ATP2B2: variants seen among roughly 807,000 people sequenced by gnomAD.
ATP2B2 encodes plasma membrane calcium-transporting ATPase 2.
A neutral mutation model predicts 120.0 loss-of-function variants in ATP2B2; 15 were observed. The ratio of observed to expected loss-of-function variants is 0.12; its 90% confidence interval spans 0.08 to 0.19. ATP2B2 has a LOEUF of 0.19. ATP2B2 is among the 10% of genes least tolerant of loss of function. The probability of loss-of-function intolerance (pLI) is 1.00; values close to 1 mark genes in which losing one functional copy is unlikely to be tolerated. For synonymous variants in ATP2B2, 694 were observed against 700.3 expected (o/e 0.99, Z 0.14); for missense variants, 1,045 against 1,719.8 (o/e 0.61, Z 6.94).
chr3:10,507,851 G>T (rs1489354047), upstream of ATP2B2, among the ~76,000 whole-genome samples: 1 of 150,120 alleles, frequency 6.7e-6, no homozygotes, highest in Non-Finnish European at 1.5e-5. Context: ...GGTGGCCAGG[G>T]CAAGGTGGCA....
At chr3:10,685,894 A>G (rs2071507099) in intron 1 of ATP2B2, among the ~76,000 whole-genome samples, 1 of 152,178 alleles carries the variant, frequency 6.6e-6, no homozygotes, top group Admixed American at 6.5e-5. Flanking sequence ...TTTTTACGTG[A>G]CATCTGTGAC....
At chr3:10,667,022 T>A (rs2070958307) in intron 1 of ATP2B2, among the ~76,000 whole-genome samples, 1 of 152,206 alleles carries the variant, frequency 6.6e-6, no homozygotes, top group Non-Finnish European at 1.5e-5. Context: ...AGAGTTCCCA[T>A]CCTCACTGGG....
At chr3:10,522,632 C>T (rs989886664) in intron 3 of ATP2B2, among the ~76,000 whole-genome samples, 11 of 152,182 alleles carry the variant, frequency 7.2e-5, no homozygotes, top group Non-Finnish European at 1.0e-4. Context: ...TGCTGAATCC[C>T]GAACAGGAGT....
rs780659874 is a variant in ATP2B2 at position 10,328,911 on chromosome 3, G to A, written c.3635C>T (p.Ala1212Val). The A allele has an allele frequency of 2.5e-6, 4 of 1,613,800 alleles. No individual in the cohort carries two copies. Among genetic ancestry groups the A allele is most frequent in the Non-Finnish European group, 2.5e-6 (3 of 1,180,014 alleles). ...PPSSLNKNNS[A>V]IDSGINLTTD... The stretch of plus-strand genomic sequence containing the variant: ...CGTCAGGTTGATCCCACTGTCGATG[G>A]CGCTGTTGTTCTTGTTGAGGGATGA... Residue 1212 changes from alanine (A) to valine (V), a missense_variant, in exon 23 of 23, where the codon GCC (alanine) becomes GTC (valine). Physicochemically the swap from Ala to Val is moderately conservative, Grantham distance 64 (BLOSUM62 0). Around this residue, in one of 11 missense-constraint regions of ATP2B2, gnomAD observed 211 missense variants for 385.1 expected, o/e 0.55. Transcript: ENST00000360273.
chr3:10,581,025 T>C (rs577928745), intron 2 of ATP2B2, among the ~76,000 whole-genome samples: 1 of 152,360 alleles, frequency 6.6e-6, no homozygotes, highest in South Asian at 2.1e-4. Context: ...ATGTATTATT[T>C]TGTCACATTT....
intron 3 of ATP2B2, among the ~76,000 whole-genome samples, chr3:10,405,134 T>C (rs530260793): frequency 1.4e-4 from 22 of 152,326 alleles, no homozygotes; most frequent in African/African-American, 5.3e-4. Flanking sequence ...TGAAGTGGGA[T>C]AACCCAACGG....
In ATP2B2 at chr3:10,606,912, C is replaced by CACACACACACACAG. The variant is rs1405755716; in HGVS notation, c.-415+13004_-415+13005insCTGTGTGTGTGTGT. On this transcript the variant is annotated intron_variant, in intron 2 of 21. Transcript: ENST00000646379. ...ACACACACACACACACACACACACA[C>CACACACACACACAG]AGAGAGAGAGAGAGAGAGAGAGAGA... Among the ~76,000 whole-genome samples the CACACACACACACAG allele has an allele frequency of 4.6e-4, 29 of 62,586 alleles. 1 individual carries two copies. The highest frequency in any genetic ancestry group is 3.9e-3 in the East Asian group (9 of 2,318). The allele number at this position is 62,586 out of a possible 152,430, so 41.1% of individuals were successfully genotyped here. A position where few individuals can be genotyped will look rare whatever the true frequency, so the allele number is the denominator to read the frequency against.
chr3:10,656,426 G>C (rs1269960551), intron 1 of ATP2B2, among the ~76,000 whole-genome samples: 1 of 152,154 alleles, frequency 6.6e-6, no homozygotes, highest in Non-Finnish European at 1.5e-5. Context: ...CTCAGGAACT[G>C]GCTGAGAATA....
At chr3:10,445,423 G>C (rs1402582410) in intron 2 of ATP2B2, among the ~76,000 whole-genome samples, 1 of 152,234 alleles carries the variant, frequency 6.6e-6, no homozygotes, top group Non-Finnish European at 1.5e-5. Context: ...AGATAAAGGC[G>C]TTAATTAGAA....
At chr3:10,419,479 T>C (rs3774146) in intron 2 of ATP2B2, among the ~76,000 whole-genome samples, 26,533 of 152,204 alleles carry the variant, frequency 0.17, 5,133 homozygotes, top group African/African-American at 0.48. Context: ...TCTGTCTGTG[T>C]TGCCGCTGTC....
chr3:10,599,541 C>G (rs1300573622), intron 2 of ATP2B2, among the ~76,000 whole-genome samples: 1 of 152,044 alleles, frequency 6.6e-6, no homozygotes, highest in East Asian at 1.9e-4. Flanking sequence ...ATTTCTGTAC[C>G]CTCAGCACTG....
chr3:10,416,956 G>C (rs2062805695), intron 2 of ATP2B2, among the ~76,000 whole-genome samples: 1 of 145,770 alleles, frequency 6.9e-6, no homozygotes. Context: ...GGTGGGTGGC[G>C]GGGCAGAGCG....
Position 10,356,159 on chromosome 3 carries a change from T to C in ATP2B2, c.2136+2532A>G, listed in dbSNP as rs924641152. On this transcript the variant is annotated intron_variant, in intron 14 of 22. Coordinates refer to ENST00000360273, the MANE Select transcript of ATP2B2 (RefSeq NM_001001331.4). The stretch of plus-strand genomic sequence containing the variant: ...CCTTTCCTTTGTGCGTGTGTGCGTG[T>C]GTGTGTGTGTGTGTGTGTGTGTGTG... Among the ~76,000 whole-genome samples, 7 of 140,806 alleles carry C rather than the reference T, an allele frequency of 5.0e-5. 1 individual carries two copies. The highest frequency in any genetic ancestry group is 9.2e-5 in the Non-Finnish European group (6 of 64,872). 92.4% of individuals were successfully genotyped at this position (140,806 alleles called of 152,430 possible).
chr3:10,417,480 TG>T (rs2062831539), intron 2 of ATP2B2, among the ~76,000 whole-genome samples: 1 of 152,214 alleles, frequency 6.6e-6, no homozygotes, highest in Non-Finnish European at 1.5e-5. Flanking sequence ...CGGCCCACAA[TG>T]GGTGTCCTGC....
chr3:10,704,243 C>T (rs973792500), intron 1 of ATP2B2, among the ~76,000 whole-genome samples: 4 of 152,220 alleles, frequency 2.6e-5, no homozygotes, highest in Middle Eastern at 3.2e-3. Flanking sequence ...ATATCACCTA[C>T]GTCTTAGGAC....
intron 2 of ATP2B2, among the ~76,000 whole-genome samples, chr3:10,437,386 T>A (rs1369408852): frequency 6.6e-6 from 1 of 152,182 alleles, no homozygotes; most frequent in Non-Finnish European, 1.5e-5. Context: ...TAAGAATGAT[T>A]TCACAGACTG....
chr3:10,621,665 T>C (rs555607523), intron 1 of ATP2B2, among the ~76,000 whole-genome samples: 36 of 152,308 alleles, frequency 2.4e-4, no homozygotes, highest in African/African-American at 8.4e-4. Context: ...ATAGCAATCT[T>C]ACTAATAAGG....
At chr3:10,451,356 G>A (rs1485619593) in intron 1 of ATP2B2, among the ~76,000 whole-genome samples, 1 of 151,452 alleles carries the variant, frequency 6.6e-6, no homozygotes, top group Non-Finnish European at 1.5e-5. Flanking sequence ...CTGGCTGTGG[G>A]ACCCTGGGCA....
At chr3:10,437,376 T>C (rs2063510417) in intron 2 of ATP2B2, among the ~76,000 whole-genome samples, 2 of 152,184 alleles carry the variant, frequency 1.3e-5, no homozygotes, top group South Asian at 2.1e-4. Context: ...AGCCCAGGAA[T>C]AAGAATGATT....
Sources: allele counts gnomAD v4.1 joint callset (sites outside exome capture counted in the v4.1 genomes callset), GRCh38; gene constraint gnomAD v4.1.1; regional missense constraint gnomAD v4.1.1; transcripts MANE v1.5; gene names NCBI Gene and HGNC (gene_info 2026-07-23, HGNC 2026-07-21).